The following LY75 variants were observed in gnomAD, a reference collection of about 807,000 sequenced individuals.
LY75 encodes the protein C-type lectin domain family 13 member B.
A neutral mutation model predicts 231.7 loss-of-function variants in LY75; 185 were observed. That is an observed-to-expected ratio of 0.80 (90% confidence interval 0.71 to 0.90). LY75 has a LOEUF of 0.90. LY75 is among the 40% of genes least tolerant of loss of function. LY75 has a pLI of 0.00. For synonymous variants in LY75, 668 were observed against 689.0 expected (o/e 0.97, Z 0.48); for missense variants, 1,947 against 2,050.2 (o/e 0.95, Z 0.97).
intron 23 of LY75, among the ~76,000 whole-genome samples, chr2:159,849,428 C>A (rs184589279): frequency 1.3e-5 from 2 of 152,266 alleles, no homozygotes; most frequent in Non-Finnish European, 1.5e-5. Context: ...CACCAGTTAC[C>A]AATTTTGTAC....
intron 31 of LY75, among the ~76,000 whole-genome samples, chr2:159,813,140 T>C (rs1200879277): frequency 6.6e-6 from 1 of 152,232 alleles, no homozygotes; most frequent in Non-Finnish European, 1.5e-5. Flanking sequence ...CAAACACCTG[T>C]TTGAATCCCT....
At chr2:159,852,414 T>C in intron 20 of LY75, 74 bp from the exon 21 acceptor site, 1 of 1,401,428 alleles carries the variant, frequency 7.1e-7, no homozygotes. Flanking sequence ...TTTTGTGTGT[T>C]TTTTTTTGTT....
chr2:159,860,715 TA>T, intron 15 of LY75, 105 bp downstream of exon 15: 1 of 1,370,672 alleles, frequency 7.3e-7, no homozygotes, highest in Non-Finnish European at 1.0e-6. Context: ...TCACTGCATC[TA>T]ACATCATGCT....
intron 15 of LY75, among the ~76,000 whole-genome samples, chr2:159,859,017 G>C (rs918354124): frequency 1.3e-5 from 2 of 152,196 alleles, no homozygotes; most frequent in Non-Finnish European, 2.9e-5. Flanking sequence ...GGGTTCTGTG[G>C]CAGGTGAGGT....
chr2:159,829,627 T>G (rs1033199907), intron 28 of LY75, among the ~76,000 whole-genome samples: 2 of 137,106 alleles, frequency 1.5e-5, no homozygotes, highest in African/African-American at 2.9e-5. Context: ...CAGAATTCCT[T>G]GTATAGGGGC....
At chr2:159,841,292 C>T (rs1443572380) in intron 24 of LY75, among the ~76,000 whole-genome samples, 1 of 152,060 alleles carries the variant, frequency 6.6e-6, no homozygotes, top group East Asian at 1.9e-4. Context: ...TTAAGTATCC[C>T]CTTACAAAGT....
intron 13 of LY75, among the ~76,000 whole-genome samples, chr2:159,866,942 CT>C (rs1266567492): frequency 6.6e-6 from 1 of 152,116 alleles, no homozygotes; most frequent in Non-Finnish European, 1.5e-5. Context: ...CCTCAACTTT[CT>C]AGGCTCCTCA....
At chr2:159,843,770 A>G (rs889553681) in intron 23 of LY75, among the ~76,000 whole-genome samples, 2 of 152,146 alleles carry the variant, frequency 1.3e-5, no homozygotes, top group African/African-American at 4.8e-5. Flanking sequence ...AATGTAGTGT[A>G]TATTTCAAGA....
At position 159,879,290 on chromosome 2, in the gene LY75, G is replaced by A. The variant is rs116733155; in HGVS notation, c.1484C>T (p.Ala495Val). 7 of 1,613,598 alleles carry A rather than the reference G, an allele frequency of 4.3e-6. No homozygotes were observed. In the African/African-American group the frequency reaches 5.3e-5, roughly 12 times the overall value. The change falls in exon 9 of 35, where the codon GCA becomes GTA. Residue 495 changes from alanine (A) to valine (V), a missense_variant. Transcript: ENST00000263636. ...TGGAGGACACATCTTATCAGAACTT[G>A]CGTCATTCAGTTTTTCTCCCTTTCT... Reference protein sequence around the residue: ...CKRKGEKLNDASSDKMCPPDE... With the variant: ...CKRKGEKLNDVSSDKMCPPDE...
At chr2:159,896,862 T>G (rs1314727062) in intron 2 of LY75, among the ~76,000 whole-genome samples, 1 of 152,112 alleles carries the variant, frequency 6.6e-6, no homozygotes, top group Non-Finnish European at 1.5e-5. Context: ...TCTGTGCAAA[T>G]TAAAACTTGA....
At chr2:159,838,619 G>C (rs1683907452) in intron 25 of LY75, among the ~76,000 whole-genome samples, 1 of 152,056 alleles carries the variant, frequency 6.6e-6, no homozygotes, top group African/African-American at 2.4e-5. Flanking sequence ...CTGAAACTAG[G>C]AAATGTAATC....
chr2:159,882,100 A>T (rs997899885), intron 7 of LY75, 24 bp downstream of exon 7: 1 of 1,601,448 alleles, frequency 6.2e-7, no homozygotes, highest in African/African-American at 1.3e-5. Context: ...AAGCCTCTCA[A>T]ATAGGGTATT....
rs371478963 is a variant in LY75 at position 159,875,464 on chromosome 2, C to T, written c.1954G>A (p.Ala652Thr). The change falls in exon 12 of 35, where the codon GCA (alanine) becomes ACA (threonine). Residue 652 changes from alanine (A) to threonine (T), a missense_variant. Coordinates refer to ENST00000263636, the MANE Select transcript of LY75 (RefSeq NM_002349.4). ...TTTACCTTATAACAAGAAAGACTTGCGGGGAAACTCTGCCAGCCTTCAGGA... is the reference window on the plus strand; with the variant it reads ...TTTACCTTATAACAAGAAAGACTTGTGGGGAAACTCTGCCAGCCTTCAGGA... ...PCPEGWQSFP[A>T]SLSCYKVFHA... 1.9e-5 allele frequency: 31 copies of T among 1,612,926 alleles called. No individual in the cohort carries two copies. The highest frequency in any genetic ancestry group is 8.4e-5 in the Admixed American group (5 of 59,704).
In LY75 at chr2:159,878,707, A is replaced by G. The variant is rs779923506; in HGVS notation, c.1530T>C (p.His510=). Residue 510 remains histidine, a synonymous_variant, in exon 10 of 35, where the codon CAT becomes CAC. Transcript: ENST00000263636. ...MCPPDEGWKR[H]GETCYKIYED... ...CATAAATCTTGTAACAGGTTTCTCCATGTCTCTTCCAGCCCTAAGTCAGAG... is the reference window on the plus strand; with the variant it reads ...CATAAATCTTGTAACAGGTTTCTCCGTGTCTCTTCCAGCCCTAAGTCAGAG... The G allele has an allele frequency of 1.3e-5, 21 of 1,613,946 alleles. No homozygotes were observed. Among genetic ancestry groups the G allele is most frequent in the Non-Finnish European group, 1.7e-5 (20 of 1,179,886 alleles).
chr2:159,840,005 CAA>C (rs10671183), intron 25 of LY75, among the ~76,000 whole-genome samples: 2,857 of 58,922 alleles, frequency 0.048, 213 homozygotes, highest in East Asian at 0.39. Context: ...GAACCTGTCT[CAA>C]AAAAAAAAAA....
Position 159,879,389 on chromosome 2 carries a change from C to T in LY75, c.1405-20G>A. ...ACCTAGCTTTGAAAGGAGACAAAAA[C>T]ATTTGCTTGGAAAGGAAATTATTTA... On this transcript the variant is annotated intron_variant, in intron 8 of 34. Transcript: ENST00000263636. The T allele has an allele frequency of 1.2e-6, 2 of 1,611,638 alleles. No homozygotes were observed.
At chr2:159,870,193 T>C (rs1357848328) in intron 13 of LY75, among the ~76,000 whole-genome samples, 1 of 152,166 alleles carries the variant, frequency 6.6e-6, no homozygotes, top group Non-Finnish European at 1.5e-5. Flanking sequence ...GGCTCACATC[T>C]GTGATCCCAG....
rs1340453434 is a variant in LY75 at position 159,882,133 on chromosome 2, G to A, written c.1237C>T (p.His413Tyr). 1 of 1,612,476 alleles carries A rather than the reference G, an allele frequency of 6.2e-7. No individual in the cohort carries two copies. ...ATTTTTAAAAACTTACCCTCATTATGGAGTTTTGTGACAACCACCTCCACA... is the reference window on the plus strand; with the variant it reads ...ATTTTTAAAAACTTACCCTCATTATAGAGTTTTGTGACAACCACCTCCACA... Reference protein sequence around the residue: ...ADVEVVVTKLHNEDIKEEVWI... With the variant: ...ADVEVVVTKLYNEDIKEEVWI... Residue 413 changes from histidine to tyrosine, a missense_variant, in exon 7 of 35, where the codon CAT becomes TAT. Physicochemically the swap from His to Tyr is moderately conservative, Grantham distance 83 (BLOSUM62 2). Coordinates refer to ENST00000263636, the MANE Select transcript of LY75 (RefSeq NM_002349.4).
rs80068813 is a variant in LY75, at chr2:159,810,621, T to C, written c.4604A>G (p.Asn1535Ser). ...CTTGTACTGGATCCACCGTGACCCA[T>C]TCTCTTTTGCTGCTGGACATCTTGA... ...YSSRCPAAKE[N>S]GSRWIQYKGH... The change falls in exon 32 of 35, where the codon AAT (asparagine) becomes AGT (serine). Residue 1535 changes from asparagine to serine, a missense_variant. Physicochemically the swap from Asn to Ser is conservative, Grantham distance 46 (BLOSUM62 1). Coordinates refer to ENST00000263636, the MANE Select transcript of LY75 (RefSeq NM_002349.4). 31 of 1,614,106 alleles carry C rather than the reference T, an allele frequency of 1.9e-5. No individual in the cohort carries two copies. Among genetic ancestry groups the C allele is most frequent in the Non-Finnish European group, 2.5e-5 (30 of 1,179,968 alleles).
Sources: gnomAD v4.1 joint callset for allele counts (sites outside exome capture counted in the v4.1 genomes callset) on GRCh38, gnomAD v4.1.1 for gene constraint, MANE v1.5 for transcripts, NCBI Gene and HGNC (gene_info 2026-07-23, HGNC 2026-07-21) for gene names.